The following SEMA6D variants were observed in gnomAD, a reference collection of about 807,000 sequenced individuals.
The protein encoded by SEMA6D is semaphorin-6D.
SEMA6D carries 35 observed loss-of-function variants against 106.6 expected under a neutral mutation model. The observed-to-expected ratio is 0.33, with a 90% CI of 0.25 to 0.44. The LOEUF (loss-of-function observed/expected upper bound fraction) is 0.44, where lower values mean the gene tolerates loss of function less well. SEMA6D is among the 20% of genes least tolerant of loss of function. The pLI is 1.00. For missense variants in SEMA6D, 1,185 were observed against 1,345.9 expected (o/e 0.88, Z 1.87); for synonymous variants, 499 against 487.7 (o/e 1.02, Z -0.31).
chr15:47,679,271 C>G (rs910783061), intron 4 of SEMA6D, among the ~76,000 whole-genome samples: 3 of 152,188 alleles, frequency 2.0e-5, no homozygotes, highest in Non-Finnish European at 2.9e-5. Context: ...AGCTGTTTGA[C>G]TGTGAGGGAG....
chr15:47,755,958 C>T (rs1420530705), intron 1 of SEMA6D, among the ~76,000 whole-genome samples: 1 of 151,764 alleles, frequency 6.6e-6, no homozygotes, highest in African/African-American at 2.4e-5. Context: ...CTCCATGTAC[C>T]TCCCTTCTCC....
At chr15:47,680,925 C>T (rs939524125) in intron 4 of SEMA6D, among the ~76,000 whole-genome samples, 3 of 152,032 alleles carry the variant, frequency 2.0e-5, no homozygotes, top group South Asian at 2.1e-4. Flanking sequence ...ATTATCAAAA[C>T]AACAGAAAAT....
chr15:47,476,783 G>A (rs1425315609), intron 3 of SEMA6D, among the ~76,000 whole-genome samples: 1 of 152,080 alleles, frequency 6.6e-6, no homozygotes, highest in Non-Finnish European at 1.5e-5. Flanking sequence ...CCAATTCCTA[G>A]ACTTTTTGCC....
chr15:47,242,389 C>T (rs1039245804), intron 1 of SEMA6D, among the ~76,000 whole-genome samples: 5 of 152,122 alleles, frequency 3.3e-5, no homozygotes, highest in African/African-American at 1.2e-4. Context: ...TGCAGAACAG[C>T]CACAGGATCC....
Position 47,188,607 on chromosome 15 carries a change from A to C in SEMA6D, c.-239+4189A>C, listed in dbSNP as rs537141063. On this transcript the variant is annotated intron_variant, in intron 1 of 19. Transcript: ENST00000558014. The stretch of plus-strand genomic sequence containing the variant: ...CATGGGAGATTTAATTTATTATCAT[A>C]TAAGACTCCTTGGAATGAATATATG... Among the ~76,000 whole-genome samples the C allele has an allele frequency of 3.3e-5, 5 of 152,306 alleles. No homozygotes were observed. In the East Asian group the frequency reaches 7.7e-4, roughly 24 times the overall value.
intron 1 of SEMA6D, among the ~76,000 whole-genome samples, chr15:47,350,228 C>A (rs2038266121): frequency 7.4e-6 from 1 of 135,418 alleles, no homozygotes. Context: ...TGTTGTCAAA[C>A]CTGCTCTGAA....
intron 1 of SEMA6D, among the ~76,000 whole-genome samples, chr15:47,223,641 A>G (rs961608063): frequency 2.6e-5 from 4 of 152,028 alleles, no homozygotes; most frequent in South Asian, 2.1e-4. Flanking sequence ...CTTCCTGTGC[A>G]TGAACTTTAG....
Position 47,657,719 on chromosome 15 carries a change from C to CTTTTTTTTTTTTTTTTTTTT in SEMA6D, c.-55+56844_-55+56863dup, listed in dbSNP as rs71118191. ...CATTTAGTGACAGAGGGCTTCATTTCTTTTTTTTTTTTTTTTTTTTTTTTT... is the reference window on the plus strand; with the variant it reads ...CATTTAGTGACAGAGGGCTTCATTTCTTTTTTTTTTTTTTTTTTTTTTTTTTTTTTTTTTTTTTTTTTTTT... On this transcript the variant is annotated intron_variant, in intron 4 of 19. Coordinates refer to the SEMA6D transcript ENST00000558014. Among the ~76,000 whole-genome samples, 6 of 54,676 alleles carry CTTTTTTTTTTTTTTTTTTTT rather than the reference C, an allele frequency of 1.1e-4. 3 individuals carry two copies. Among genetic ancestry groups the CTTTTTTTTTTTTTTTTTTTT allele is most frequent in the African/African-American group, 1.7e-4 (2 of 11,746 alleles). 35.9% of individuals were successfully genotyped at this position (54,676 alleles called of 152,430 possible). A position where few individuals can be genotyped will look rare whatever the true frequency, so the allele number is the denominator to read the frequency against.
At chr15:47,233,843 T>A (rs1019854388) in intron 1 of SEMA6D, among the ~76,000 whole-genome samples, 6 of 152,028 alleles carry the variant, frequency 3.9e-5, no homozygotes, top group African/African-American at 1.4e-4. Flanking sequence ...TCTATATATA[T>A]AAGATCAAAT....
At chr15:47,645,290 G>T (rs1006710748) in intron 4 of SEMA6D, among the ~76,000 whole-genome samples, 2 of 152,158 alleles carry the variant, frequency 1.3e-5, no homozygotes, top group South Asian at 4.1e-4. Flanking sequence ...AGGCACCAGG[G>T]TGAGCACAGG....
At chr15:47,684,407 ATATT>A (rs1791260638) in intron 4 of SEMA6D, among the ~76,000 whole-genome samples, 1 of 152,222 alleles carries the variant, frequency 6.6e-6, no homozygotes, top group South Asian at 2.1e-4. Flanking sequence ...CTTCAAGATT[ATATT>A]TAGTTATCGC....
intron 1 of SEMA6D, among the ~76,000 whole-genome samples, chr15:47,304,138 C>T (rs547533160): frequency 1.3e-5 from 2 of 152,130 alleles, no homozygotes; most frequent in Non-Finnish European, 2.9e-5. Context: ...CTTAGTTATA[C>T]TATAAGTAGC....
At chr15:47,232,825 G>A (rs959181946) in intron 1 of SEMA6D, among the ~76,000 whole-genome samples, 1 of 151,476 alleles carries the variant, frequency 6.6e-6, no homozygotes, top group African/African-American at 2.4e-5. Context: ...ATATATTTTG[G>A]GTCCTAGACC....
intron 3 of SEMA6D, among the ~76,000 whole-genome samples, chr15:47,548,792 G>A (rs577897144): frequency 6.6e-6 from 1 of 152,178 alleles, no homozygotes; most frequent in South Asian, 2.1e-4. Flanking sequence ...GCACATATGT[G>A]TATAATGTTC....
intron 1 of SEMA6D, among the ~76,000 whole-genome samples, chr15:47,728,661 A>C (rs773016030): frequency 3.3e-5 from 5 of 152,228 alleles, no homozygotes; most frequent in Non-Finnish European, 7.3e-5. Flanking sequence ...TCTGGAGGTC[A>C]GAAGTCTGAA....
chr15:47,693,780 TAAA>T (rs1176400046), intron 4 of SEMA6D, among the ~76,000 whole-genome samples: 1 of 151,906 alleles, frequency 6.6e-6, no homozygotes, highest in African/African-American at 2.4e-5. Flanking sequence ...ACAAAAACAT[TAAA>T]AATTCAGCTG....
intron 18 of SEMA6D, among the ~76,000 whole-genome samples, chr15:47,769,516 G>A (rs895571406): frequency 4.0e-5 from 6 of 150,040 alleles, no homozygotes; most frequent in South Asian, 4.3e-4. Context: ...TTTCTTTCTC[G>A]GTCTTTCACA....
intron 1 of SEMA6D, among the ~76,000 whole-genome samples, chr15:47,287,690 A>G (rs938121363): frequency 6.6e-6 from 1 of 152,146 alleles, no homozygotes; most frequent in Non-Finnish European, 1.5e-5. Flanking sequence ...GCATTCTCTG[A>G]GATCATCTAA....
chr15:47,225,718 TG>T (rs1420862110), intron 1 of SEMA6D, among the ~76,000 whole-genome samples: 1 of 151,702 alleles, frequency 6.6e-6, no homozygotes, highest in Non-Finnish European at 1.5e-5. Flanking sequence ...TTAGTAGAGA[TG>T]GGGTTTCTCC....
Sources: allele counts gnomAD v4.1 joint callset (sites outside exome capture counted in the v4.1 genomes callset), GRCh38; gene constraint gnomAD v4.1.1; transcripts MANE v1.5; gene names NCBI Gene and HGNC (gene_info 2026-07-23, HGNC 2026-07-21).